CMSS1: variants seen among roughly 807,000 people sequenced by gnomAD.
CMSS1 encodes protein CMSS1.
A neutral mutation model predicts 43.5 loss-of-function variants in CMSS1; 33 were observed. That is an observed-to-expected ratio of 0.76 (90% CI 0.57 to 1.01). The LOEUF (loss-of-function observed/expected upper bound fraction) is 1.01. CMSS1 is among the 50% of genes least tolerant of loss of function. The probability of loss-of-function intolerance (pLI) is 0.00; values close to 1 mark genes in which losing one functional copy is unlikely to be tolerated. For missense variants in CMSS1, 313 were observed against 326.4 expected, an observed-to-expected ratio of 0.96 and a Z score of 0.32; for synonymous variants, 115 against 117.2, an observed-to-expected ratio of 0.98 and a Z score of 0.12.
At chr3:100,154,556 A>G (rs147465631) in intron 2 of CMSS1, among the ~76,000 whole-genome samples, 104 of 152,378 alleles carry the variant, frequency 6.8e-4, no homozygotes, top group African/African-American at 2.4e-3. Context: ...GACCATGTCC[A>G]AAAGAAACTA....
At chr3:99,842,242 C>G (rs186031499) in intron 1 of CMSS1, among the ~76,000 whole-genome samples, 17 of 152,234 alleles carry the variant, frequency 1.1e-4, no homozygotes, top group African/African-American at 3.9e-4. Context: ...AATGGAAAAC[C>G]AAACATTGTA....
chr3:100,076,590 G>C (rs151033550), intron 1 of CMSS1, among the ~76,000 whole-genome samples: 2 of 152,164 alleles, frequency 1.3e-5, no homozygotes, highest in Non-Finnish European at 2.9e-5. Context: ...TCAGTCTTCT[G>C]AGTTATTTTT....
rs142041440 is a variant in CMSS1 at position 99,923,773 on chromosome 3, G to C, written c.64+105730G>C. Among the ~76,000 whole-genome samples the C allele has an allele frequency of 4.6e-3, 695 of 152,286 alleles. 2 individuals are homozygous for C. The highest frequency in any genetic ancestry group is 7.0e-3 in the South Asian group (34 of 4,824). On this transcript the variant is annotated intron_variant, in intron 1 of 9. Transcript: ENST00000421999. Reference sequence around the variant, plus strand: ...TTCCATTTGCTCCTTCAGGCCAACAGTATAAAGTCCAGCTGCTCAAGGCAA... The same window carrying C: ...TTCCATTTGCTCCTTCAGGCCAACACTATAAAGTCCAGCTGCTCAAGGCAA...
intron 1 of CMSS1, among the ~76,000 whole-genome samples, chr3:100,137,432 T>C (rs2066764900): frequency 2.6e-5 from 4 of 152,112 alleles, no homozygotes. Flanking sequence ...AAGACAGCTA[T>C]GAAATATGTA....
intron 1 of CMSS1, among the ~76,000 whole-genome samples, chr3:100,096,675 A>G (rs2066215088): frequency 1.3e-5 from 2 of 151,690 alleles, no homozygotes. Context: ...AAAAAAAAGA[A>G]AGAATGAATA....
rs114439971 is a variant in CMSS1, at chr3:100,065,062, A to G, written c.65-81911A>G. 6.1e-3 allele frequency among the ~76,000 whole-genome samples: 936 copies of G among 152,330 alleles called. 6 individuals are homozygous for G. The highest frequency in any genetic ancestry group is 0.018 in the African/African-American group (742 of 41,566). On this transcript the variant is annotated intron_variant, in intron 1 of 9. Transcript: ENST00000421999. ...CAGTTCTTGCTTTAGGGTCAGTCTC[A>G]TAAGATTGTAAACTATGAGCCCAAA...
chr3:100,111,779 A>ATAGCT (rs1489350945), intron 1 of CMSS1, among the ~76,000 whole-genome samples: 1 of 152,208 alleles, frequency 6.6e-6, no homozygotes, highest in Non-Finnish European at 1.5e-5. Context: ...TCTAACATCT[A>ATAGCT]TAGCTTGCAC....
At chr3:99,876,505 G>A (rs1355500835) in intron 1 of CMSS1, among the ~76,000 whole-genome samples, 1 of 152,214 alleles carries the variant, frequency 6.6e-6, no homozygotes, top group Non-Finnish European at 1.5e-5. Flanking sequence ...GTTGCTTCAG[G>A]GACTTCAATA....
At chr3:99,984,987 A>T (rs1357417561) in intron 1 of CMSS1, among the ~76,000 whole-genome samples, 1 of 152,188 alleles carries the variant, frequency 6.6e-6, no homozygotes, top group Non-Finnish European at 1.5e-5. Flanking sequence ...AAATGAGATA[A>T]CTCGTGTTAA....
chr3:99,999,887 C>T (rs115829300), intron 1 of CMSS1, among the ~76,000 whole-genome samples: 1 of 152,292 alleles, frequency 6.6e-6, no homozygotes, highest in African/African-American at 2.4e-5. Context: ...TTCAGTTTCA[C>T]ACATAGTCCA....
At chr3:100,048,639 G>A (rs1324603377) in intron 1 of CMSS1, among the ~76,000 whole-genome samples, 2 of 151,960 alleles carry the variant, frequency 1.3e-5, no homozygotes, top group African/African-American at 4.8e-5. Flanking sequence ...ATTTAGAGAG[G>A]GAAAATAAAA....
intron 1 of CMSS1, among the ~76,000 whole-genome samples, chr3:100,041,738 T>G (rs928193182): frequency 1.3e-5 from 2 of 152,208 alleles, no homozygotes; most frequent in Non-Finnish European, 2.9e-5. Flanking sequence ...GTATTTTATG[T>G]CTATGTAGCA....
intron 1 of CMSS1, among the ~76,000 whole-genome samples, chr3:100,002,011 C>T (rs1350269135): frequency 6.6e-6 from 1 of 152,190 alleles, no homozygotes; most frequent in Non-Finnish European, 1.5e-5. Context: ...GGAAATGCCC[C>T]TCTCTGGAGA....
intron 1 of CMSS1, among the ~76,000 whole-genome samples, chr3:99,974,462 C>T (rs1173224932): frequency 6.6e-6 from 1 of 152,128 alleles, no homozygotes; most frequent in East Asian, 1.9e-4. Flanking sequence ...GTAATCACAG[C>T]ACTTTGGGAG....
chr3:100,133,215 G>C (rs1466730697), intron 1 of CMSS1, among the ~76,000 whole-genome samples: 1 of 152,020 alleles, frequency 6.6e-6, no homozygotes, highest in South Asian at 2.1e-4. Context: ...GACAAACCAT[G>C]GTTTACTATA....
chr3:100,008,510 A>G (rs898694107), intron 1 of CMSS1, among the ~76,000 whole-genome samples: 11 of 152,212 alleles, frequency 7.2e-5, no homozygotes, highest in Non-Finnish European at 1.5e-4. Flanking sequence ...TAGAATTTAG[A>G]GGAAGTGCTG....
At chr3:100,167,020 T>C (rs2067071685) in intron 5 of CMSS1, among the ~76,000 whole-genome samples, 1 of 152,174 alleles carries the variant, frequency 6.6e-6, no homozygotes, top group Non-Finnish European at 1.5e-5. Context: ...AGTGCTGAGA[T>C]TACAGGCATG....
chr3:99,894,158 T>A (rs189139542), intron 1 of CMSS1, among the ~76,000 whole-genome samples: 2 of 151,934 alleles, frequency 1.3e-5, no homozygotes, highest in East Asian at 3.9e-4. Flanking sequence ...CAGCTAGGAG[T>A]TGGTTGGAGA....
chr3:100,097,895 T>C (rs927858708), intron 1 of CMSS1, among the ~76,000 whole-genome samples: 1 of 152,240 alleles, frequency 6.6e-6, no homozygotes, highest in South Asian at 2.1e-4. Context: ...CTTTGTGTTA[T>C]ATTTTTACTC....
Sources: allele counts gnomAD v4.1 joint callset (sites outside exome capture counted in the v4.1 genomes callset), GRCh38; gene constraint gnomAD v4.1.1; transcripts MANE v1.5; gene names NCBI Gene and HGNC (gene_info 2026-07-23, HGNC 2026-07-21).